Variants in PPP2R2A observed in about 807,000 individuals in gnomAD.
PPP2R2A encodes protein phosphatase 2 regulatory subunit Balpha.
A neutral mutation model predicts 53.2 loss-of-function variants in PPP2R2A; 9 were observed. The observed-to-expected ratio is 0.17, with a 90% confidence interval of 0.10 to 0.30. PPP2R2A has a LOEUF of 0.30. Ranked by LOEUF, PPP2R2A falls within the 10% of genes least tolerant of loss-of-function variation. The pLI is 1.00. For synonymous variants in PPP2R2A, 169 were observed against 174.2 expected (o/e 0.97, Z 0.23); for missense variants, 235 against 534.6 (o/e 0.44, Z 5.53).
chr8:26,336,403 G>T (rs1364172772), intron 2 of PPP2R2A, among the ~76,000 whole-genome samples: 3 of 151,926 alleles, frequency 2.0e-5, no homozygotes, highest in Non-Finnish European at 2.9e-5. Context: ...CATTCCAGCT[G>T]GGGCAACAAA....
intron 2 of PPP2R2A, among the ~76,000 whole-genome samples, chr8:26,334,438 T>C (rs780432849): frequency 3.3e-5 from 5 of 152,164 alleles, no homozygotes; most frequent in Non-Finnish European, 5.9e-5. Context: ...CCAGCATTCT[T>C]GGGTTTGCAA....
At chr8:26,326,094 C>T (rs1444593742) in intron 2 of PPP2R2A, among the ~76,000 whole-genome samples, 3 of 152,186 alleles carry the variant, frequency 2.0e-5, no homozygotes, top group Admixed American at 6.5e-5. Flanking sequence ...ACTTTGGCCT[C>T]CCAAAATGCT....
chr8:26,364,895 G>C (rs1374361161), intron 8 of PPP2R2A, among the ~76,000 whole-genome samples: 1 of 152,184 alleles, frequency 6.6e-6, no homozygotes, highest in Non-Finnish European at 1.5e-5. Flanking sequence ...AACTTCACGT[G>C]TGGGTTCCGC....
Position 26,360,338 on chromosome 8 carries a change from C to A in PPP2R2A, c.459+57C>A. ...GTGCTTGTATTCATATTATATAGCC[C>A]AAATCCTGAGCAGAGCTTGAATAGG... On this transcript the variant is annotated intron_variant, in intron 5 of 9. Transcript: ENST00000380737. The surrounding 1 kb of genome is among the most constrained non-coding windows in gnomAD (Gnocchi z 4.5). 1 of 1,014,684 alleles carries A rather than the reference C, an allele frequency of 9.9e-7. No homozygotes were observed. The highest frequency in any genetic ancestry group is 1.5e-6 in the Non-Finnish European group (1 of 668,858). The allele number at this position is 1,014,684 out of a possible 1,614,324, so 62.9% of individuals were successfully genotyped here.
chr8:26,320,906 CTT>C (rs1802808620), intron 2 of PPP2R2A, among the ~76,000 whole-genome samples: 1 of 152,242 alleles, frequency 6.6e-6, no homozygotes, highest in African/African-American at 2.4e-5. Flanking sequence ...TCGAAACAGT[CTT>C]TTAAAGAATG....
chr8:26,363,677 A>G (rs1202010832), intron 7 of PPP2R2A, 44 bp from the exon 8 acceptor site: 11 of 1,462,252 alleles, frequency 7.5e-6, no homozygotes, highest in Non-Finnish European at 9.1e-6. Flanking sequence ...AAGCCAGAAT[A>G]TTGTACACCT....
chr8:26,330,404 G>A (rs1304246222), intron 2 of PPP2R2A, among the ~76,000 whole-genome samples: 1 of 151,074 alleles, frequency 6.6e-6, no homozygotes, highest in African/African-American at 2.4e-5. Context: ...CACCTCCCGG[G>A]TTCAAGCGAT....
At chr8:26,343,603 C>T (rs1266810342) in intron 3 of PPP2R2A, among the ~76,000 whole-genome samples, 2 of 152,116 alleles carry the variant, frequency 1.3e-5, no homozygotes, top group East Asian at 3.9e-4. Context: ...ATCTCCTGAC[C>T]TCATGATCCA....
intron 2 of PPP2R2A, among the ~76,000 whole-genome samples, chr8:26,306,921 C>T (rs574863116): frequency 6.6e-6 from 1 of 152,300 alleles, no homozygotes; most frequent in South Asian, 2.1e-4. Flanking sequence ...GTCCTCTCAC[C>T]AGAGATGCCA....
At chr8:26,315,764 TG>T (rs1266304759) in intron 2 of PPP2R2A, among the ~76,000 whole-genome samples, 5 of 152,240 alleles carry the variant, frequency 3.3e-5, no homozygotes, top group Non-Finnish European at 7.3e-5. Flanking sequence ...CTTCTGCTGT[TG>T]CCTTGCGTTT....
intron 4 of PPP2R2A, chr8:26,358,898 C>G (rs1192746106): frequency 2.2e-6 from 1 of 455,616 alleles, no homozygotes; most frequent in African/African-American, 2.0e-5. Flanking sequence ...ACTTATTTCT[C>G]CCTTTAAGTA....
chr8:26,349,535 A>G (rs899168777), intron 3 of PPP2R2A, among the ~76,000 whole-genome samples: 10 of 152,282 alleles, frequency 6.6e-5, no homozygotes, highest in African/African-American at 2.4e-4. Flanking sequence ...TGGTAGTTCT[A>G]TTTTTAGCTT....
chr8:26,322,356 A>G (rs947549245), intron 2 of PPP2R2A, among the ~76,000 whole-genome samples: 3 of 152,258 alleles, frequency 2.0e-5, no homozygotes, highest in African/African-American at 7.2e-5. Context: ...TCAGGTGCTC[A>G]GTAGCTGTGT....
chr8:26,317,399 T>A (rs1399685277), intron 2 of PPP2R2A, among the ~76,000 whole-genome samples: 2 of 152,230 alleles, frequency 1.3e-5, no homozygotes, highest in Non-Finnish European at 2.9e-5. Context: ...CTCCAGTTTG[T>A]GAGTTTCACG....
At chr8:26,308,072 A>T (rs893146144) in intron 2 of PPP2R2A, among the ~76,000 whole-genome samples, 1 of 152,276 alleles carries the variant, frequency 6.6e-6, no homozygotes, top group Non-Finnish European at 1.5e-5. Context: ...TACATTATGC[A>T]GTAGTCTGTT....
In PPP2R2A at chr8:26,361,126, T is replaced by C; in HGVS notation, c.612T>C (p.His204=). 6.3e-7 allele frequency: 1 copy of C among 1,599,228 alleles called. No homozygotes were observed. Among genetic ancestry groups the C allele is most frequent in the Non-Finnish European group, 8.5e-7 (1 of 1,176,504 alleles). ...SADDLRINLW[H]LEITDRSFNI... is the part of the protein sequence containing the mutation. ...ATGATTTGCGGATTAATCTTTGGCATCTGGAAATTACAGACAGGAGTTTTA... is the reference window on the plus strand; with the variant it reads ...ATGATTTGCGGATTAATCTTTGGCACCTGGAAATTACAGACAGGAGTTTTA... Residue 204 remains histidine (H), a synonymous_variant, in exon 6 of 10, where the codon CAT becomes CAC. Transcript: ENST00000380737.
At chr8:26,322,855 G>A (rs1307443003) in intron 2 of PPP2R2A, among the ~76,000 whole-genome samples, 4 of 152,174 alleles carry the variant, frequency 2.6e-5, no homozygotes, top group Non-Finnish European at 4.4e-5. Flanking sequence ...TAAAGCCACA[G>A]GAAGCAGCAG....
At chr8:26,293,336 T>G in intron 1 of PPP2R2A, 1 of 1,410,568 alleles carries the variant, frequency 7.1e-7, no homozygotes, top group Non-Finnish European at 9.7e-7. Context: ...TTAAGAAAAC[T>G]CTTTAACTCT....
chr8:26,314,608 G>T (rs1802449286), intron 2 of PPP2R2A, among the ~76,000 whole-genome samples: 1 of 152,116 alleles, frequency 6.6e-6, no homozygotes. Context: ...TTCAAGTTTG[G>T]CTGGTTAACA....
Sources: allele counts gnomAD v4.1 joint callset (sites outside exome capture counted in the v4.1 genomes callset), GRCh38; gene constraint gnomAD v4.1.1; non-coding constraint Gnocchi (gnomAD v3.1); transcripts MANE v1.5; gene names NCBI Gene and HGNC (gene_info 2026-07-23, HGNC 2026-07-21).